The following NAV1 variants were observed in gnomAD, a reference collection of about 807,000 sequenced individuals.
The protein encoded by NAV1 is pore membrane and/or filament interacting like protein 3.
In NAV1, 18 loss-of-function variants were observed where a neutral mutation model predicts 175.2. The observed-to-expected ratio is 0.10, with a 90% CI of 0.07 to 0.15. NAV1 has a LOEUF of 0.15. Among genes scored for constraint, NAV1 ranks in the 10% least tolerant of loss-of-function variants. The pLI is 1.00. For missense variants in NAV1, 1,731 were observed against 2,436.6 expected (o/e 0.71, Z 6.10); for synonymous variants, 897 against 978.7 (o/e 0.92, Z 1.56).
intron 2 of NAV1, among the ~76,000 whole-genome samples, chr1:201,594,157 G>A (rs1051386345): frequency 1.3e-5 from 2 of 151,862 alleles, no homozygotes; most frequent in Non-Finnish European, 2.9e-5. Context: ...GGACCCGAGC[G>A]GGTTGCCCGG....
chr1:201,541,699 G>C (rs1000921775), intron 1 of NAV1, among the ~76,000 whole-genome samples: 36 of 152,130 alleles, frequency 2.4e-4, no homozygotes, highest in African/African-American at 8.7e-4. Flanking sequence ...GCTTGAACCC[G>C]GGAGGCAGAG....
At chr1:201,689,494 C>G (rs1670814902) in intron 1 of NAV1, among the ~76,000 whole-genome samples, 1 of 152,122 alleles carries the variant, frequency 6.6e-6, no homozygotes, top group Non-Finnish European at 1.5e-5. Flanking sequence ...AAGCTGAGGC[C>G]CCTCCAGAGA....
At position 201,740,049 on chromosome 1, in the gene NAV1, C is replaced by G; in HGVS notation, c.1226+21294C>G. ...ATGCTTCATCTGCCCCTGCCCAGATCCGGAAGAACGGTGAATTTCCCCCGC... is the reference window on the plus strand; with the variant it reads ...ATGCTTCATCTGCCCCTGCCCAGATGCGGAAGAACGGTGAATTTCCCCCGC... On this transcript the variant is annotated intron_variant, in intron 3 of 29. Coordinates refer to ENST00000367296, the Ensembl canonical transcript of NAV1. The surrounding 1 kb of genome is among the most constrained non-coding windows in gnomAD (Gnocchi z 4.7). The G allele has an allele frequency of 6.7e-7, 1 of 1,502,734 alleles. No homozygotes were observed. The highest frequency in any genetic ancestry group is 1.3e-5 in the South Asian group (1 of 77,862). 93.1% of individuals were successfully genotyped at this position (1,502,734 alleles called of 1,614,324 possible). A position where few individuals can be genotyped will look rare whatever the true frequency, so the allele number is the denominator to read the frequency against.
At chr1:201,777,679 G>A (rs970504367) in intron 3 of NAV1, among the ~76,000 whole-genome samples, 4 of 151,678 alleles carry the variant, frequency 2.6e-5, no homozygotes, top group South Asian at 4.2e-4. Flanking sequence ...GGCTGGGTGC[G>A]GTGGCTCACA....
At chr1:201,549,411 G>A (rs1396267775) in intron 1 of NAV1, among the ~76,000 whole-genome samples, 7 of 151,966 alleles carry the variant, frequency 4.6e-5, no homozygotes, top group East Asian at 1.9e-4. Context: ...GTTTTGCCAT[G>A]TTGCCCAGGC....
At chr1:201,552,515 G>A (rs372966879) in intron 1 of NAV1, among the ~76,000 whole-genome samples, 44 of 152,104 alleles carry the variant, frequency 2.9e-4, no homozygotes, top group Non-Finnish European at 5.4e-4. Context: ...TGACGCATGT[G>A]GGGTAATGCA....
intron 3 of NAV1, among the ~76,000 whole-genome samples, chr1:201,776,611 A>G (rs1675961922): frequency 6.7e-6 from 1 of 149,244 alleles, no homozygotes; most frequent in South Asian, 2.1e-4. Context: ...ACTGCACTCT[A>G]GCCTGGGTGA....
chr1:201,707,552 G>A (rs1558084939), intron 1 of NAV1, among the ~76,000 whole-genome samples: 1 of 152,198 alleles, frequency 6.6e-6, no homozygotes, highest in Non-Finnish European at 1.5e-5. Context: ...TAAGGACTAT[G>A]TTCTTGCCAC....
rs570883486 is a variant in NAV1 at position 201,739,974 on chromosome 1, TG to T, written c.1226+21225del. 155 of 1,440,644 alleles carry T rather than the reference TG, an allele frequency of 1.1e-4. No individual in the cohort carries two copies. In the Admixed American group the frequency reaches 4.0e-3, roughly 37 times the overall value. 89.2% of individuals were successfully genotyped at this position (1,440,644 alleles called of 1,614,324 possible). A position where few individuals can be genotyped will look rare whatever the true frequency, so the allele number is the denominator to read the frequency against. On this transcript the variant is annotated intron_variant, in intron 3 of 29. Transcript: ENST00000367296. ...CCCGGGTGTCAGGCGAGAGCGGTCCTGGGGGGCGCTGGGTGCCCACCCGGTG... is the reference window on the plus strand; with the variant it reads ...CCCGGGTGTCAGGCGAGAGCGGTCCTGGGGGCGCTGGGTGCCCACCCGGTG...
intron 3 of NAV1, among the ~76,000 whole-genome samples, chr1:201,773,715 C>G (rs896993276): frequency 6.6e-6 from 1 of 152,060 alleles, no homozygotes; most frequent in African/African-American, 2.4e-5. Context: ...GGGAATGAGA[C>G]GTGTAAATTT....
chr1:201,633,775 A>G (rs576701614), intron 2 of NAV1, among the ~76,000 whole-genome samples: 4 of 152,214 alleles, frequency 2.6e-5, no homozygotes, highest in Non-Finnish European at 5.9e-5. Flanking sequence ...CATGCAGACA[A>G]TTGACTAGAA....
intron 1 of NAV1, among the ~76,000 whole-genome samples, chr1:201,683,207 G>A (rs1670533707): frequency 6.6e-6 from 1 of 152,162 alleles, no homozygotes; most frequent in East Asian, 1.9e-4. Flanking sequence ...AGAATGTCCT[G>A]CAGTGGTTTT....
intron 17 of NAV1, among the ~76,000 whole-genome samples, chr1:201,805,739 A>G (rs1028525701): frequency 6.6e-6 from 1 of 152,044 alleles, no homozygotes; most frequent in Non-Finnish European, 1.5e-5. Flanking sequence ...CCTGGGCAAC[A>G]TAGTGAAATC....
chr1:201,662,556 G>C (rs1669654469), intron 1 of NAV1, among the ~76,000 whole-genome samples: 1 of 152,204 alleles, frequency 6.6e-6, no homozygotes, highest in Non-Finnish European at 1.5e-5. Context: ...GTGCTTACCA[G>C]CTGGCTGTCC....
intron 2 of NAV1, among the ~76,000 whole-genome samples, chr1:201,590,814 T>G (rs201760734): frequency 6.6e-6 from 1 of 152,142 alleles, no homozygotes; most frequent in Non-Finnish European, 1.5e-5. Flanking sequence ...GGAGTGGCTG[T>G]GTGGAATGGG....
chr1:201,726,687 C>G (rs973130519), intron 3 of NAV1, among the ~76,000 whole-genome samples: 1 of 151,392 alleles, frequency 6.6e-6, no homozygotes, highest in Non-Finnish European at 1.5e-5. Context: ...TTATTCTGAT[C>G]TCCATGTAAT....
At chr1:201,711,140 G>A (rs921770148) in intron 1 of NAV1, among the ~76,000 whole-genome samples, 6 of 152,256 alleles carry the variant, frequency 3.9e-5, no homozygotes, top group South Asian at 2.1e-4. Context: ...TGGCGGCCAC[G>A]GAAGTGATGC....
chr1:201,611,002 C>A (rs1272259246), intron 2 of NAV1, among the ~76,000 whole-genome samples: 1 of 152,042 alleles, frequency 6.6e-6, no homozygotes. Context: ...TGTGGACAAT[C>A]CTAATCCCCA....
intron 2 of NAV1, among the ~76,000 whole-genome samples, chr1:201,635,411 T>C (rs1272316099): frequency 6.6e-6 from 1 of 152,184 alleles, no homozygotes; most frequent in Non-Finnish European, 1.5e-5. Flanking sequence ...TGGAATACAT[T>C]TGTGGACAAA....
Sources: gnomAD v4.1 joint callset for allele counts (sites outside exome capture counted in the v4.1 genomes callset) on GRCh38, gnomAD v4.1.1 for gene constraint, Gnocchi (gnomAD v3.1) non-coding constraint, MANE v1.5 for transcripts, NCBI Gene and HGNC (gene_info 2026-07-23, HGNC 2026-07-21) for gene names.